CUL3: variants seen among roughly 807,000 people sequenced by gnomAD.
CUL3 encodes the protein cullin-3.
Under a neutral mutation model 89.1 loss-of-function variants are expected in CUL3, and 19 were observed. The ratio of observed to expected loss-of-function variants is 0.21; its 90% CI spans 0.15 to 0.31. The LOEUF (loss-of-function observed/expected upper bound fraction) is 0.31, where lower values mean the gene tolerates loss of function less well. Among genes scored for constraint, CUL3 ranks in the 10% least tolerant of loss-of-function variants. CUL3 has a pLI of 1.00. For synonymous variants in CUL3, 351 were observed against 308.4 expected (o/e 1.14, Z -1.45); for missense variants, 469 against 942.3 (o/e 0.50, Z 6.58).
intron 12 of CUL3, 52 bp from the exon 13 acceptor site, chr2:224,496,018 C>T (rs756091689): frequency 1.9e-6 from 3 of 1,586,296 alleles, no homozygotes; most frequent in Non-Finnish European, 1.7e-6. Context: ...TTCCTGGTAA[C>T]ATTAATGTAT....
At chr2:224,532,020 A>G (rs1425302037) in intron 3 of CUL3, among the ~76,000 whole-genome samples, 1 of 152,250 alleles carries the variant, frequency 6.6e-6, no homozygotes, top group Admixed American at 6.5e-5. Context: ...GGAGAAAAAA[A>G]GAACTTATAA....
intron 3 of CUL3, among the ~76,000 whole-genome samples, chr2:224,524,392 A>G (rs886289250): frequency 6.6e-6 from 1 of 152,174 alleles, no homozygotes; most frequent in Non-Finnish European, 1.5e-5. Flanking sequence ...GTTTACTGAT[A>G]CAGCACCCTA....
chr2:224,550,319 G>A (rs1219828738), intron 2 of CUL3, among the ~76,000 whole-genome samples: 1 of 152,162 alleles, frequency 6.6e-6, no homozygotes, highest in Non-Finnish European at 1.5e-5. Flanking sequence ...GTGAAATAAA[G>A]TTTTGGCTGT....
At chr2:224,521,927 G>GT (rs1693280892) in intron 3 of CUL3, among the ~76,000 whole-genome samples, 1 of 152,050 alleles carries the variant, frequency 6.6e-6, no homozygotes. Context: ...AAGAACATCT[G>GT]TAACTGTTTT....
intron 1 of CUL3, among the ~76,000 whole-genome samples, chr2:224,573,657 A>C (rs1255671538): frequency 6.6e-6 from 1 of 152,180 alleles, no homozygotes; most frequent in Non-Finnish European, 1.5e-5. Context: ...TAATAATTTA[A>C]AAGGTAACCT....
Position 224,500,490 on chromosome 2 carries a change from A to T in CUL3, c.1486-3T>A, listed in dbSNP as rs369004949. ...AGATCAACACCACCTAAAGATACCT[A>T]TGTAAAACAGAAAGAGATATTCCCC... On this transcript the variant is annotated splice_region_variant and splice_polypyrimidine_tract_variant and intron_variant, in intron 10 of 15. Transcript: ENST00000264414. The T allele has an allele frequency of 2.7e-5, 44 of 1,613,466 alleles. 1 individual carries two copies. Among genetic ancestry groups the T allele is most frequent in the East Asian group, 2.0e-4 (9 of 44,864 alleles).
At chr2:224,493,281 T>C (rs970563462) in intron 13 of CUL3, among the ~76,000 whole-genome samples, 2 of 152,226 alleles carry the variant, frequency 1.3e-5, no homozygotes, top group Admixed American at 6.5e-5. Context: ...TTCCTTTAAA[T>C]TATTATAATT....
chr2:224,561,494 C>T (rs1484646852), intron 1 of CUL3, among the ~76,000 whole-genome samples: 1 of 152,212 alleles, frequency 6.6e-6, no homozygotes, highest in African/African-American at 2.4e-5. Flanking sequence ...ACCAGCTCAA[C>T]TCTCAATCAA....
intron 12 of CUL3, among the ~76,000 whole-genome samples, chr2:224,496,806 T>C (rs1334834162): frequency 1.3e-5 from 2 of 152,100 alleles, no homozygotes; most frequent in Admixed American, 6.5e-5. Flanking sequence ...AATTAACATA[T>C]GCATATGTTT....
In CUL3 at chr2:224,505,756, A is replaced by T. The variant is rs1692575296; in HGVS notation, c.1206+200T>A. On this transcript the variant is annotated intron_variant, in intron 8 of 15. Coordinates refer to ENST00000264414, the MANE Select transcript of CUL3 (RefSeq NM_003590.5). Reference sequence around the variant, plus strand: ...CATCCAGTTGCTTGTTTTTGAAGCCAATTACACATTAAGTGAAATGTCTAA... The same window carrying T: ...CATCCAGTTGCTTGTTTTTGAAGCCTATTACACATTAAGTGAAATGTCTAA... 1.3e-5 allele frequency: 4 copies of T among 307,046 alleles called. No individual in the cohort carries two copies. The South Asian group carries it at 3.8e-4, about 30-fold the overall frequency. The allele number at this position is 307,046 out of a possible 1,614,324, so 19.0% of individuals were successfully genotyped here.
Position 224,529,327 on chromosome 2 carries a change from G to A in CUL3, c.378+6201C>T, listed in dbSNP as rs188538842. 1.9e-3 allele frequency among the ~76,000 whole-genome samples: 282 copies of A among 152,114 alleles called. 1 individual carries two copies. The highest frequency in any genetic ancestry group is 1.3e-4 in the Non-Finnish European group (9 of 67,986). On this transcript the variant is annotated intron_variant, in intron 3 of 15. Transcript: ENST00000264414. ...ACATGGAGTTATTTCTTTAATAAAA[G>A]AATGAATCGGCTGGGTGTGGTGGCT... is the stretch of plus-strand genomic sequence containing the variant.
rs1691132828 is a variant in CUL3 at position 224,471,589 on chromosome 2, C to T, written c.*2656G>A. 2 of 202,752 alleles carry T rather than the reference C, an allele frequency of 9.9e-6. No individual in the cohort carries two copies. The highest frequency in any genetic ancestry group is 1.9e-4 in the South Asian group (1 of 5,260). 12.6% of individuals were successfully genotyped at this position (202,752 alleles called of 1,614,324 possible). On this transcript the variant is annotated 3_prime_UTR_variant, in exon 16 of 16. Coordinates refer to ENST00000264414, the MANE Select transcript of CUL3 (RefSeq NM_003590.5). ...GGTTTGATAGTACATAATTACAATG[C>T]TACACAGGTGACTCTAGCATACCTT... is the stretch of plus-strand genomic sequence containing the variant.
At chr2:224,498,830 C>CA in intron 11 of CUL3, among the ~76,000 whole-genome samples, 1 of 152,248 alleles carries the variant, frequency 6.6e-6, no homozygotes, top group East Asian at 1.9e-4. Flanking sequence ...TTCTAAAAGA[C>CA]AAAATCTAGT....
chr2:224,573,106 C>A (rs1185380982), intron 1 of CUL3, among the ~76,000 whole-genome samples: 2 of 152,102 alleles, frequency 1.3e-5, no homozygotes, highest in Non-Finnish European at 2.9e-5. Flanking sequence ...TTTGCGTACA[C>A]CAAAAGTAGT....
chr2:224,512,820 T>G (rs1392581096), intron 5 of CUL3, among the ~76,000 whole-genome samples: 1 of 152,206 alleles, frequency 6.6e-6, no homozygotes, highest in East Asian at 1.9e-4. Flanking sequence ...ATATTAGATA[T>G]AGTAAAAAGT....
chr2:224,513,460 T>C, intron 5 of CUL3, 64 bp downstream of exon 5: 1 of 1,105,824 alleles, frequency 9.0e-7, no homozygotes, highest in East Asian at 2.7e-5. Flanking sequence ...GTTAAATTAG[T>C]AACTATATTA....
rs560156792 is a variant in CUL3, at chr2:224,583,462, C to A, written c.66+1482G>T. Among the ~76,000 whole-genome samples, 121 of 152,276 alleles carry A rather than the reference C, an allele frequency of 7.9e-4. 1 individual carries two copies. Among genetic ancestry groups the A allele is most frequent in the Admixed American group, 1.2e-3 (18 of 15,294 alleles). The stretch of plus-strand genomic sequence containing the variant: ...CAGAATTTAGTAGGAAAATTAATAT[C>A]ACTCACAAATGCATAACCCAGCTCT... On this transcript the variant is annotated intron_variant, in intron 1 of 15. Transcript: ENST00000264414.
chr2:224,583,151 G>A (rs1013896420), intron 1 of CUL3, among the ~76,000 whole-genome samples: 3 of 152,154 alleles, frequency 2.0e-5, no homozygotes, highest in Non-Finnish European at 4.4e-5. Flanking sequence ...GGCCGAGGTC[G>A]GTGATCACCT....
chr2:224,520,947 A>G (rs916181573), intron 3 of CUL3, among the ~76,000 whole-genome samples: 2 of 152,246 alleles, frequency 1.3e-5, no homozygotes, highest in Non-Finnish European at 2.9e-5. Context: ...TTCCTATTGA[A>G]GCTAAACCTA....
Sources: allele counts gnomAD v4.1 joint callset (sites outside exome capture counted in the v4.1 genomes callset), GRCh38; gene constraint gnomAD v4.1.1; transcripts MANE v1.5; gene names NCBI Gene and HGNC (gene_info 2026-07-23, HGNC 2026-07-21).